The following ATAD5 variants were observed in gnomAD, a reference collection of about 807,000 sequenced individuals.
ATAD5 encodes the protein ATPase family AAA domain-containing protein 5.
In ATAD5, 58 loss-of-function variants were observed where a neutral mutation model predicts 176.9. That is an observed-to-expected ratio of 0.33 (90% confidence interval 0.27 to 0.41). The LOEUF is 0.41. Among genes scored for constraint, ATAD5 ranks in the 10% least tolerant of loss-of-function variants. ATAD5 has a pLI of 1.00. For missense variants in ATAD5, 1,789 were observed against 2,094.1 expected, an observed-to-expected ratio of 0.85 and a Z score of 2.84; for synonymous variants, 640 against 712.6, an observed-to-expected ratio of 0.90 and a Z score of 1.62.
intron 19 of ATAD5, among the ~76,000 whole-genome samples, chr17:30,890,090 T>C (rs1457743418): frequency 6.6e-6 from 1 of 151,902 alleles, no homozygotes; most frequent in East Asian, 1.9e-4. Flanking sequence ...GATCTCACTA[T>C]GTTGCCCAGC....
At chr17:30,879,374 G>A (rs1908875105) in intron 17 of ATAD5, 49 bp from the exon 18 acceptor site, 3 of 1,577,810 alleles carry the variant, frequency 1.9e-6, no homozygotes, top group Non-Finnish European at 2.6e-6. Context: ...TTATTTATTG[G>A]TCTTAGTGTT....
chr17:30,855,724 C>A (rs756476869), intron 7 of ATAD5, among the ~76,000 whole-genome samples: 1 of 151,886 alleles, frequency 6.6e-6, no homozygotes, highest in Non-Finnish European at 1.5e-5. Context: ...CTGGGCATGA[C>A]GGTGTATGCC....
At chr17:30,867,990 G>A (rs1362987867) in intron 11 of ATAD5, among the ~76,000 whole-genome samples, 2 of 152,020 alleles carry the variant, frequency 1.3e-5, no homozygotes, top group Non-Finnish European at 1.5e-5. Context: ...GTATTTTTAT[G>A]TTTTTCCTGT....
intron 21 of ATAD5, 49 bp from the exon 22 acceptor site, chr17:30,894,514 TG>T: frequency 2.6e-6 from 4 of 1,552,298 alleles, no homozygotes; most frequent in Non-Finnish European, 3.5e-6. Context: ...TTGGGATTAC[TG>T]CATTTTTCTT....
intron 9 of ATAD5, 139 bp from the exon 10 acceptor site, chr17:30,860,294 G>A (rs546989826): frequency 2.1e-5 from 20 of 942,148 alleles, no homozygotes; most frequent in Non-Finnish European, 2.9e-5. Flanking sequence ...AAAGTTCTGG[G>A]ATTAGAGGCC....
At chr17:30,836,341 G>A (rs1485693967) in intron 2 of ATAD5, among the ~76,000 whole-genome samples, 1 of 151,768 alleles carries the variant, frequency 6.6e-6, no homozygotes, top group Non-Finnish European at 1.5e-5. Flanking sequence ...ACCACGCCCA[G>A]CTAATTTTTG....
At chr17:30,877,348 C>G (rs1331183297) in intron 15 of ATAD5, 68 bp from the exon 16 acceptor site, 1 of 1,094,942 alleles carries the variant, frequency 9.1e-7, no homozygotes, top group African/African-American at 1.6e-5. Flanking sequence ...TGAGCTTATT[C>G]TGTGGACATA....
rs773418923 is a variant in ATAD5 at position 30,893,490 on chromosome 17, G to C, written c.4637G>C (p.Cys1546Ser). 1.9e-6 allele frequency: 3 copies of C among 1,612,896 alleles called. No homozygotes were observed. In the South Asian group the frequency reaches 3.3e-5, roughly 18 times the overall value. The change falls in exon 21 of 23, where the codon TGT becomes TCT. Residue 1546 changes from cysteine (C) to serine (S), a missense_variant. By Grantham distance (112) the Cys-to-Ser change is moderately radical. Around this residue, in one of 6 missense-constraint regions of ATAD5, gnomAD observed 403 missense variants for 495.1 expected, o/e 0.81. Coordinates refer to ENST00000321990, the MANE Select transcript of ATAD5 (RefSeq NM_024857.5). Reference sequence around the variant, plus strand: ...AGTGCAGCAACAAAAAGTATGAATTGTCTTGCTAGGAAACACTCTGAAAGA... The same window carrying C: ...AGTGCAGCAACAAAAAGTATGAATTCTCTTGCTAGGAAACACTCTGAAAGA... ...DASAATKSMN[C>S]LARKHSEREQ...
At chr17:30,846,697 A>C (rs1906527177) in intron 6 of ATAD5, among the ~76,000 whole-genome samples, 1 of 149,578 alleles carries the variant, frequency 6.7e-6, no homozygotes, top group African/African-American at 2.5e-5. Context: ...CACCGTGTCC[A>C]GCCAACAGTT....
At position 30,892,609 on chromosome 17, in the gene ATAD5, G is replaced by C. The variant is rs771699179; in HGVS notation, c.4261G>C (p.Gly1421Arg). ...LEERPLTLYR[G>R]NSRNVQLVCS... is the part of the protein sequence containing the mutation. ...TAAGATTTTCTTTTATTTTGTAGGT[G>C]GAAATAGCAGAAATGTACAACTAGT... Residue 1421 changes from glycine to arginine, a missense_variant and splice_region_variant, in exon 20 of 23, where the codon GGA (glycine) becomes CGA (arginine). Coordinates refer to ENST00000321990, the MANE Select transcript of ATAD5 (RefSeq NM_024857.5). The C allele has an allele frequency of 1.3e-6, 2 of 1,541,106 alleles. No individual in the cohort carries two copies. The highest frequency in any genetic ancestry group is 2.8e-5 in the African/African-American group (2 of 71,276).
intron 2 of ATAD5, 45 bp downstream of exon 2, chr17:30,836,093 T>C: frequency 6.9e-7 from 1 of 1,455,122 alleles, no homozygotes; most frequent in Non-Finnish European, 9.2e-7. Flanking sequence ...CTGCATGTAT[T>C]ATTAGCTGGG....
chr17:30,852,252 GTGAGC>G (rs1907014532), intron 6 of ATAD5, among the ~76,000 whole-genome samples: 1 of 152,154 alleles, frequency 6.6e-6, no homozygotes, highest in Non-Finnish European at 1.5e-5. Context: ...TTTGGCCAGT[GTGAGC>G]TCTTCAGCTT....
At chr17:30,868,754 C>T (rs1425898654) in intron 12 of ATAD5, among the ~76,000 whole-genome samples, 16 of 151,634 alleles carry the variant, frequency 1.1e-4, no homozygotes, top group Non-Finnish European at 1.9e-4. Flanking sequence ...ATCCACCCAC[C>T]TTGGCCTCCC....
chr17:30,843,863 G>T, intron 4 of ATAD5, 50 bp from the exon 5 acceptor site: 1 of 1,060,904 alleles, frequency 9.4e-7, no homozygotes, highest in Non-Finnish European at 1.3e-6. Context: ...AAATTTCAAT[G>T]ATATTAATTA....
At chr17:30,851,169 G>A (rs1334536162) in intron 6 of ATAD5, among the ~76,000 whole-genome samples, 22 of 147,594 alleles carry the variant, frequency 1.5e-4, no homozygotes, top group Non-Finnish European at 2.8e-4. Flanking sequence ...GATTATAGGC[G>A]TGAGCCACCG....
intron 14 of ATAD5, among the ~76,000 whole-genome samples, chr17:30,875,738 G>T (rs751693523): frequency 6.6e-6 from 1 of 151,348 alleles, no homozygotes; most frequent in South Asian, 2.1e-4. Flanking sequence ...GGAAACTGCA[G>T]TGAGCTGAGA....
chr17:30,846,305 A>G (rs1906495692), intron 6 of ATAD5, among the ~76,000 whole-genome samples: 1 of 152,150 alleles, frequency 6.6e-6, no homozygotes, highest in South Asian at 2.1e-4. Context: ...ACGCCCACAA[A>G]CAAATGCACA....
At chr17:30,873,180 T>C (rs1205378745) in intron 14 of ATAD5, among the ~76,000 whole-genome samples, 1 of 152,194 alleles carries the variant, frequency 6.6e-6, no homozygotes, top group African/African-American at 2.4e-5. Flanking sequence ...CAAGGAACTA[T>C]TTTAATTGGT....
intron 6 of ATAD5, among the ~76,000 whole-genome samples, chr17:30,849,807 A>C (rs1312223903): frequency 6.6e-6 from 1 of 152,230 alleles, no homozygotes; most frequent in Non-Finnish European, 1.5e-5. Flanking sequence ...TTTAAAAGAC[A>C]CAAAGAACCT....
Sources: gnomAD v4.1 joint callset for allele counts (sites outside exome capture counted in the v4.1 genomes callset) on GRCh38, gnomAD v4.1.1 for gene constraint, gnomAD v4.1.1 regional missense constraint, MANE v1.5 for transcripts, NCBI Gene and HGNC (gene_info 2026-07-23, HGNC 2026-07-21) for gene names.